MSN: variants seen among roughly 807,000 people sequenced by gnomAD.
The protein encoded by MSN is moesin.
A neutral mutation model predicts 48.0 loss-of-function variants in MSN; 2 were observed. That is an observed-to-expected ratio of 0.04 (90% CI 0.02 to 0.13). The LOEUF (loss-of-function observed/expected upper bound fraction) is 0.13. Ranked by LOEUF, MSN falls within the 10% of genes least tolerant of loss-of-function variation. The pLI is 1.00. For synonymous variants in MSN, 146 were observed against 166.9 expected, an observed-to-expected ratio of 0.87 and a Z score of 0.97; for missense variants, 267 against 470.1, an observed-to-expected ratio of 0.57 and a Z score of 3.99.
At chrX:65,626,038 T>C (rs2070502291) in intron 1 of MSN, among the ~76,000 whole-genome samples, 1 of 103,061 alleles carries the variant, frequency 9.7e-6, no homozygotes, top group African/African-American at 3.6e-5. Flanking sequence ...CACTGCAAGC[T>C]CTGCCTCCCG....
At chrX:65,716,774 C>G (rs1249586020) in intron 1 of MSN, 44 bp from the exon 2 acceptor site, 1 of 1,110,668 alleles carries the variant, frequency 9.0e-7, no homozygotes, top group Non-Finnish European at 1.2e-6. Context: ...CTCTGTTGAA[C>G]ACAGAGCCAG....
chrX:65,632,441 T>A (rs1439010730), intron 1 of MSN, among the ~76,000 whole-genome samples: 1 of 112,525 alleles, frequency 8.9e-6, no homozygotes, highest in Non-Finnish European at 1.9e-5. Flanking sequence ...TGTAGTAGAA[T>A]GAAATAGACT....
chrX:65,599,852 G>C (rs919010732), intron 1 of MSN, among the ~76,000 whole-genome samples: 3 of 111,158 alleles, frequency 2.7e-5, no homozygotes, highest in African/African-American at 9.8e-5. Context: ...TGTGATGACA[G>C]TGAGGAGGAA....
chrX:65,697,461 G>A (rs900667744), intron 1 of MSN, among the ~76,000 whole-genome samples: 1 of 111,721 alleles, frequency 9.0e-6, no homozygotes, highest in African/African-American at 3.3e-5. Flanking sequence ...TGTTTAGAGA[G>A]GAGAGAAGGA....
In MSN at chrX:65,716,834, C is replaced by A; in HGVS notation, c.29C>A (p.Thr10Asn). 1.7e-6 allele frequency: 2 copies of A among 1,210,449 alleles called. No homozygotes were observed. The highest frequency in any genetic ancestry group is 2.2e-6 in the Non-Finnish European group (2 of 894,880). Residue 10 changes from threonine (T) to asparagine (N), a missense_variant, in exon 2 of 13, where the codon ACC becomes AAC. This residue lies in a region of MSN where 89 missense variants were observed against 151.0 expected (regional missense o/e 0.59). Coordinates refer to ENST00000360270, the MANE Select transcript of MSN (RefSeq NM_002444.3). MPKTISVRV[T>N]TMDAELEFAI... Reference sequence around the variant, plus strand: ...TCATCCTAGATCAGTGTGCGTGTGACCACCATGGATGCAGAGCTGGAGTTT... The same window carrying A: ...TCATCCTAGATCAGTGTGCGTGTGAACACCATGGATGCAGAGCTGGAGTTT...
chrX:65,591,080 T>C lies in MSN; in HGVS notation c.-22+2468T>C, dbSNP rs145263408. Among the ~76,000 whole-genome samples, 393 of 111,429 alleles carry C rather than the reference T, an allele frequency of 3.5e-3. 2 individuals carry two copies. The highest frequency in any genetic ancestry group is 0.012 in the African/African-American group (371 of 30,662). ...GCCTAATCCTTGGGGCCATTCATTCTCTCTATGTCCTCAAGCTGGTTCGTC... is the reference window on the plus strand; with the variant it reads ...GCCTAATCCTTGGGGCCATTCATTCCCTCTATGTCCTCAAGCTGGTTCGTC... On this transcript the variant is annotated intron_variant, in intron 1 of 3. Transcript: ENST00000609672.
At chrX:65,620,473 AG>A (rs1272594072) in intron 1 of MSN, among the ~76,000 whole-genome samples, 2 of 113,835 alleles carry the variant, frequency 1.8e-5, no homozygotes, top group Non-Finnish European at 3.7e-5. Context: ...CCGATTTTCC[AG>A]GTGCCGTCCG....
intron 1 of MSN, among the ~76,000 whole-genome samples, chrX:65,701,254 T>A (rs1396654045): frequency 8.9e-6 from 1 of 111,844 alleles, no homozygotes; most frequent in African/African-American, 3.3e-5. Context: ...CTCCCACTGT[T>A]TGATTCTTAG....
intron 1 of MSN, among the ~76,000 whole-genome samples, chrX:65,652,608 A>G (rs2070750732): frequency 9.0e-6 from 1 of 111,412 alleles, no homozygotes. Context: ...CCTCCCTAAG[A>G]ACTTCTCAGC....
At chrX:65,626,697 C>T (rs1426383550) in intron 1 of MSN, among the ~76,000 whole-genome samples, 2 of 111,473 alleles carry the variant, frequency 1.8e-5, no homozygotes, top group African/African-American at 3.3e-5. Flanking sequence ...CAAAACCAAA[C>T]ACCTCTCCCA....
intron 1 of MSN, chrX:65,600,691 G>A (rs772145493): frequency 7.2e-5 from 8 of 111,557 alleles, no homozygotes; most frequent in Non-Finnish European, 1.3e-4. Context: ...AAGCGGAACT[G>A]GGAATCTTTT....
rs1221899302 is a variant in MSN at position 65,623,716 on chromosome X, G to T, written c.-22+35104G>T. On this transcript the variant is annotated intron_variant, in intron 1 of 3. Coordinates refer to the MSN transcript ENST00000609672. ...AATCCCAGCTACTTGGGAGGCTGAGGCAGGAGAATAACTGGAACCCGGGAG... is the reference window on the plus strand; with the variant it reads ...AATCCCAGCTACTTGGGAGGCTGAGTCAGGAGAATAACTGGAACCCGGGAG... Among the ~76,000 whole-genome samples the T allele has an allele frequency of 4.6e-5, 5 of 109,147 alleles. 1 individual carries two copies. In the Admixed American group the frequency reaches 4.9e-4, roughly 11 times the overall value. 94.8% of individuals were successfully genotyped at this position (109,147 alleles called of 115,157 possible). A position where few individuals can be genotyped will look rare whatever the true frequency, so the allele number is the denominator to read the frequency against.
At chrX:65,615,455 G>C (rs1460059137) in intron 1 of MSN, among the ~76,000 whole-genome samples, 4 of 110,595 alleles carry the variant, frequency 3.6e-5, no homozygotes, top group Admixed American at 9.5e-5. Flanking sequence ...CTGATGGCCA[G>C]TGATGGTGAG....
intron 1 of MSN, among the ~76,000 whole-genome samples, chrX:65,700,274 C>CT (rs2071289133): frequency 8.9e-6 from 1 of 111,964 alleles, no homozygotes. Flanking sequence ...AAAACTGAGG[C>CT]TTTAAGAGGT....
intron 1 of MSN, among the ~76,000 whole-genome samples, chrX:65,598,988 AC>A (rs1373775976): frequency 9.0e-6 from 1 of 111,710 alleles, no homozygotes; most frequent in Non-Finnish European, 1.9e-5. Context: ...GAAAACAACA[AC>A]CAAAATTTTA....
At chrX:65,698,114 GC>G (rs749995578) in intron 1 of MSN, among the ~76,000 whole-genome samples, 6 of 110,684 alleles carry the variant, frequency 5.4e-5, no homozygotes, top group Non-Finnish European at 7.6e-5. Flanking sequence ...ATGGGGGTGG[GC>G]ACCGGAAAAT....
chrX:65,602,426 C>G (rs920144295), intron 1 of MSN, among the ~76,000 whole-genome samples: 1 of 111,694 alleles, frequency 9.0e-6, no homozygotes, highest in Non-Finnish European at 1.9e-5. Context: ...TCCAGTCTTT[C>G]CCCTCCCATG....
In MSN at chrX:65,700,160, A is replaced by G. The variant is rs761327652; in HGVS notation, c.13-16658A>G. ...CTAAAATTTATGAAACATCTACTACATGCCAGGTACCAAGCCAGGTGCTTT... is the reference window on the plus strand; with the variant it reads ...CTAAAATTTATGAAACATCTACTACGTGCCAGGTACCAAGCCAGGTGCTTT... On this transcript the variant is annotated intron_variant, in intron 1 of 12. Transcript: ENST00000360270. 3.6e-5 allele frequency among the ~76,000 whole-genome samples: 4 copies of G among 112,005 alleles called. No individual in the cohort carries two copies. The East Asian group carries it at 8.4e-4, about 24-fold the overall frequency.
intron 1 of MSN, among the ~76,000 whole-genome samples, chrX:65,617,930 G>A (rs1254423764): frequency 9.2e-6 from 1 of 108,868 alleles, no homozygotes; most frequent in African/African-American, 3.4e-5. Context: ...TGGTTTCAAA[G>A]AACATCTTTA....
Sources: allele counts gnomAD v4.1 joint callset (sites outside exome capture counted in the v4.1 genomes callset), GRCh38; gene constraint gnomAD v4.1.1; regional missense constraint gnomAD v4.1.1; transcripts MANE v1.5; gene names NCBI Gene and HGNC (gene_info 2026-07-23, HGNC 2026-07-21).